The following ANK1 variants were observed in gnomAD, a reference collection of about 807,000 sequenced individuals.
ANK1 encodes ankyrin 1, also known as ankyrin-1.
ANK1 carries 51 observed loss-of-function variants against 210.4 expected under a neutral mutation model. The observed-to-expected ratio is 0.24, with a 90% CI of 0.19 to 0.31. The LOEUF (loss-of-function observed/expected upper bound fraction) is 0.31. Among genes scored for constraint, ANK1 ranks in the 10% least tolerant of loss-of-function variants. ANK1 has a pLI of 1.00. For missense variants in ANK1, 2,051 were observed against 2,504.4 expected (o/e 0.82, Z 3.86); for synonymous variants, 967 against 1,025.9 (o/e 0.94, Z 1.10).
At chr8:41,890,202 T>A (rs1256625023) in intron 1 of ANK1, among the ~76,000 whole-genome samples, 1 of 152,262 alleles carries the variant, frequency 6.6e-6, no homozygotes, top group African/African-American at 2.4e-5. Flanking sequence ...CATTTGATCT[T>A]CATCCCTATT....
chr8:41,774,002 T>C (rs1586854865), intron 1 of ANK1, among the ~76,000 whole-genome samples: 1 of 152,226 alleles, frequency 6.6e-6, no homozygotes. Context: ...AAATTTCAGC[T>C]TCAGTATCTG....
intron 1 of ANK1, among the ~76,000 whole-genome samples, chr8:41,886,824 G>A (rs1587627122): frequency 6.6e-6 from 1 of 152,318 alleles, no homozygotes; most frequent in South Asian, 2.1e-4. Flanking sequence ...GGGCAATTAG[G>A]AAGCCACTGA....
intron 1 of ANK1, among the ~76,000 whole-genome samples, chr8:41,806,318 T>C (rs1485567344): frequency 1.3e-5 from 2 of 152,184 alleles, no homozygotes; most frequent in Non-Finnish European, 2.9e-5. Flanking sequence ...ACACAATTTG[T>C]CCAGGATCTT....
At chr8:41,791,542 C>T (rs570770565) in intron 1 of ANK1, among the ~76,000 whole-genome samples, 1 of 152,056 alleles carries the variant, frequency 6.6e-6, no homozygotes, top group South Asian at 2.1e-4. Flanking sequence ...AGTGATGCTC[C>T]TGCCTCAGCC....
intron 1 of ANK1, among the ~76,000 whole-genome samples, chr8:41,866,592 T>G (rs1466620807): frequency 6.6e-6 from 1 of 152,250 alleles, no homozygotes; most frequent in Non-Finnish European, 1.5e-5. Flanking sequence ...CTTTTCATCT[T>G]GCAAAGTGAA....
chr8:41,708,659 C>A, intron 17 of ANK1, 119 bp downstream of exon 17: 1 of 1,136,108 alleles, frequency 8.8e-7, no homozygotes, highest in Non-Finnish European at 1.3e-6. Flanking sequence ...CAGGGCTGTT[C>A]CAAGGATTAC....
At chr8:41,753,855 C>T (rs1257525723) in intron 2 of ANK1, among the ~76,000 whole-genome samples, 1 of 152,152 alleles carries the variant, frequency 6.6e-6, no homozygotes, top group Non-Finnish European at 1.5e-5. Flanking sequence ...CCACTCTGGC[C>T]TTCCTTCAAC....
At position 41,698,139 on chromosome 8, in the gene ANK1, C is replaced by A; in HGVS notation, c.2559-18G>T. 6.2e-7 allele frequency: 1 copy of A among 1,612,844 alleles called. No individual in the cohort carries two copies. The highest frequency in any genetic ancestry group is 8.5e-7 in the Non-Finnish European group (1 of 1,179,004). ...ATTCCACCCTGCGTGCCAAGAACAC[C>A]AGAACATCACAGGGCTGATCCACAT... On this transcript the variant is annotated intron_variant, in intron 23 of 42. Coordinates refer to ENST00000289734, the MANE Select transcript of ANK1 (RefSeq NM_000037.4).
intron 1 of ANK1, among the ~76,000 whole-genome samples, chr8:41,848,195 T>TAAAC (rs10640557): frequency 8.2e-4 from 119 of 145,250 alleles, no homozygotes; most frequent in Non-Finnish European, 1.6e-3. Flanking sequence ...CAAAAATAAA[T>TAAAC]AAATAAATAA....
Position 41,694,873 on chromosome 8 carries a change from G to A in ANK1, c.3116-70C>T. 6.7e-7 allele frequency: 1 copy of A among 1,503,450 alleles called. No individual in the cohort carries two copies. Among genetic ancestry groups the A allele is most frequent in the Non-Finnish European group, 9.2e-7 (1 of 1,090,840 alleles). The allele number at this position is 1,503,450 out of a possible 1,614,324, so 93.1% of individuals were successfully genotyped here. On this transcript the variant is annotated intron_variant, in intron 27 of 42. Transcript: ENST00000289734. The surrounding 1 kb of genome is among the most constrained non-coding windows in gnomAD (Gnocchi z 5.7). ...AGGTTCAGGACTTCCAGGGGCCCCA[G>A]AGTCTCCTTGTCCCCAAGACCCAGT...
intron 1 of ANK1, among the ~76,000 whole-genome samples, chr8:41,867,858 G>A (rs537169291): frequency 1.4e-4 from 20 of 138,860 alleles, no homozygotes; most frequent in African/African-American, 5.1e-4. Flanking sequence ...TTCTAAAGCA[G>A]GTGTTTGTTT....
chr8:41,752,284 T>A (rs1837897910), intron 2 of ANK1, among the ~76,000 whole-genome samples: 1 of 152,212 alleles, frequency 6.6e-6, no homozygotes, highest in Non-Finnish European at 1.5e-5. Context: ...TCTTGTTCAG[T>A]GCCTAGAATA....
chr8:41,806,873 A>T (rs1009626130), intron 1 of ANK1, among the ~76,000 whole-genome samples: 1 of 152,244 alleles, frequency 6.6e-6, no homozygotes, highest in African/African-American at 2.4e-5. Context: ...CCTGCATTGG[A>T]TCATGCTGTT....
At chr8:41,892,253 C>G (rs1425104959) in intron 1 of ANK1, among the ~76,000 whole-genome samples, 3 of 151,622 alleles carry the variant, frequency 2.0e-5, no homozygotes, top group African/African-American at 7.3e-5. Flanking sequence ...CACCCCAAAT[C>G]TCCCCTGTGA....
At position 41,672,867 on chromosome 8, in the gene ANK1, C is replaced by G. The variant is rs756261656; in HGVS notation, c.4583G>C (p.Gly1528Ala). Residue 1528 changes from glycine to alanine, a missense_variant, in exon 38 of 43, where the codon GGC (glycine) becomes GCC (alanine). Transcript: ENST00000289734. ...ACGTAGCGGAGAGGAAAGTGCACAG[C>G]CCAGGGAGGCAGGGGACAGCAGCTC... ...QDELLSPASL[G>A]CALSSPLRAD... is the part of the protein sequence containing the mutation. The G allele has an allele frequency of 1.7e-5, 28 of 1,608,226 alleles. No homozygotes were observed. The highest frequency in any genetic ancestry group is 2.4e-5 in the Non-Finnish European group (28 of 1,179,926).
chr8:41,703,452 T>TATA (rs57245303), intron 20 of ANK1, among the ~76,000 whole-genome samples: 6 of 28,792 alleles, frequency 2.1e-4, no homozygotes, highest in East Asian at 1.4e-3. Context: ...ATATATATAT[T>TATA]TTTTTTTTTT....
chr8:41,781,748 C>A (rs2032736), intron 1 of ANK1, among the ~76,000 whole-genome samples: 30,620 of 152,034 alleles, frequency 0.2, 4,229 homozygotes, highest in East Asian at 0.7. Context: ...AGACCAGCAA[C>A]CAACAGACCC....
chr8:41,743,871 G>A (rs1454708529), intron 2 of ANK1, among the ~76,000 whole-genome samples: 3 of 152,068 alleles, frequency 2.0e-5, no homozygotes, highest in South Asian at 2.1e-4. Flanking sequence ...ATGCATACAC[G>A]CATGCACACA....
chr8:41,693,497 G>A (rs1376284963), intron 29 of ANK1, among the ~76,000 whole-genome samples: 1 of 139,632 alleles, frequency 7.2e-6, no homozygotes, highest in Admixed American at 8.0e-5. Flanking sequence ...CAGTGTAGTG[G>A]AATGATCTCG....
Sources: gnomAD v4.1 joint callset for allele counts (sites outside exome capture counted in the v4.1 genomes callset) on GRCh38, gnomAD v4.1.1 for gene constraint, Gnocchi (gnomAD v3.1) non-coding constraint, MANE v1.5 for transcripts, NCBI Gene and HGNC (gene_info 2026-07-23, HGNC 2026-07-21) for gene names.